RCAN2: variants seen among roughly 807,000 people sequenced by gnomAD.
RCAN2 encodes the protein calcipressin-2.
A neutral mutation model predicts 23.6 loss-of-function variants in RCAN2; 9 were observed. The observed-to-expected ratio is 0.38, with a 90% CI of 0.23 to 0.67. RCAN2 has a LOEUF of 0.67. Ranked by LOEUF, RCAN2 falls within the 30% of genes least tolerant of loss-of-function variation. The pLI, the probability that RCAN2 is intolerant of heterozygous loss-of-function variation, is 0.51. For synonymous variants in RCAN2, 109 were observed against 115.7 expected, an observed-to-expected ratio of 0.94 and a Z score of 0.37; for missense variants, 273 against 302.3, an observed-to-expected ratio of 0.90 and a Z score of 0.72.
At chr6:46,255,753 G>A (rs1033031204) in intron 2 of RCAN2, among the ~76,000 whole-genome samples, 5 of 152,084 alleles carry the variant, frequency 3.3e-5, no homozygotes, top group South Asian at 2.1e-4. Flanking sequence ...CTGGAGAGCC[G>A]CAGGGTATGG....
At chr6:46,325,327 C>T in intron 2 of RCAN2, 1 of 1,577,404 alleles carries the variant, frequency 6.3e-7, no homozygotes, top group East Asian at 2.2e-5. Flanking sequence ...TTTCTTCATG[C>T]TAAAAAGGCT....
intron 2 of RCAN2, among the ~76,000 whole-genome samples, chr6:46,369,759 G>C (rs1765277368): frequency 6.6e-6 from 1 of 152,208 alleles, no homozygotes; most frequent in South Asian, 2.1e-4. Context: ...CTTAGACGTA[G>C]TTTTAAATCA....
At chr6:46,434,295 A>C (rs955903586) in intron 2 of RCAN2, among the ~76,000 whole-genome samples, 1 of 152,200 alleles carries the variant, frequency 6.6e-6, no homozygotes, top group African/African-American at 2.4e-5. Context: ...CTTGGTCTGA[A>C]TCCCACAATT....
intron 2 of RCAN2, among the ~76,000 whole-genome samples, chr6:46,368,386 G>T (rs1054039096): frequency 6.6e-6 from 1 of 152,142 alleles, no homozygotes; most frequent in Non-Finnish European, 1.5e-5. Flanking sequence ...CGATAGCTCT[G>T]CTCAAACAAA....
At chr6:46,419,637 T>C (rs935050488) in intron 2 of RCAN2, among the ~76,000 whole-genome samples, 8 of 152,194 alleles carry the variant, frequency 5.3e-5, no homozygotes, top group Non-Finnish European at 1.0e-4. Context: ...ATTTTTAAAA[T>C]ATAATAAAAT....
At chr6:46,307,901 T>C (rs1018703597) in intron 2 of RCAN2, among the ~76,000 whole-genome samples, 1 of 152,176 alleles carries the variant, frequency 6.6e-6, no homozygotes, top group East Asian at 1.9e-4. Context: ...TTCAAGCAAG[T>C]TGGAAGAAGG....
chr6:46,249,317 C>CTT (rs11331303), intron 2 of RCAN2, among the ~76,000 whole-genome samples: 1 of 97,114 alleles, frequency 1.0e-5, no homozygotes, highest in Non-Finnish European at 2.1e-5. Context: ...TTCTTTCTTT[C>CTT]TTTTTTTTTT....
At chr6:46,442,256 CT>C (rs1445157467) in intron 2 of RCAN2, among the ~76,000 whole-genome samples, 4 of 152,316 alleles carry the variant, frequency 2.6e-5, no homozygotes, top group South Asian at 2.1e-4. Flanking sequence ...CAAGAGTTAC[CT>C]TTGAATTTAC....
At chr6:46,325,773 T>C (rs1763777270) in intron 2 of RCAN2, 1 of 1,145,642 alleles carries the variant, frequency 8.7e-7, no homozygotes, top group Admixed American at 4.5e-5. Context: ...GGCAGTGCAG[T>C]GGAGCAAATT....
intron 2 of RCAN2, among the ~76,000 whole-genome samples, chr6:46,420,550 T>TC (rs1358748014): frequency 6.6e-6 from 1 of 151,318 alleles, no homozygotes; most frequent in East Asian, 1.9e-4. Flanking sequence ...TTAACTTTTT[T>TC]TTTTTTTTTT....
At chr6:46,304,379 T>C (rs190337989) in intron 2 of RCAN2, among the ~76,000 whole-genome samples, 1 of 152,262 alleles carries the variant, frequency 6.6e-6, no homozygotes, top group East Asian at 1.9e-4. Context: ...GCTTTCCTTT[T>C]TATTCTCTGA....
At chr6:46,319,571 G>GT (rs1763543677) in intron 2 of RCAN2, among the ~76,000 whole-genome samples, 1 of 152,166 alleles carries the variant, frequency 6.6e-6, no homozygotes, top group Admixed American at 6.6e-5. Context: ...TTTACCAAAT[G>GT]TGATAGGTGG....
intron 2 of RCAN2, among the ~76,000 whole-genome samples, chr6:46,434,945 C>T (rs1225612869): frequency 6.6e-6 from 1 of 152,106 alleles, no homozygotes; most frequent in African/African-American, 2.4e-5. Flanking sequence ...GTGGAGAAAC[C>T]CTGAATGAGA....
At chr6:46,337,363 C>T (rs1002543705) in intron 2 of RCAN2, among the ~76,000 whole-genome samples, 2 of 152,184 alleles carry the variant, frequency 1.3e-5, no homozygotes, top group Admixed American at 1.3e-4. Context: ...ATGAGAAAAG[C>T]AACACAGAAA....
intron 4 of RCAN2, among the ~76,000 whole-genome samples, chr6:46,226,430 T>C (rs895081875): frequency 6.6e-6 from 1 of 152,238 alleles, no homozygotes; most frequent in Non-Finnish European, 1.5e-5. Flanking sequence ...TGGAATGTTC[T>C]TCCATTTGTT....
chr6:46,449,751 T>C (rs1248945580), intron 2 of RCAN2, among the ~76,000 whole-genome samples: 3 of 151,862 alleles, frequency 2.0e-5, no homozygotes, highest in Non-Finnish European at 4.4e-5. Flanking sequence ...AATAATAATG[T>C]TGGAACAACT....
intron 2 of RCAN2, among the ~76,000 whole-genome samples, chr6:46,282,212 T>A (rs1762205931): frequency 6.6e-6 from 1 of 152,166 alleles, no homozygotes; most frequent in Admixed American, 6.5e-5. Context: ...ATACAACTTG[T>A]GTTACTGCTC....
intron 4 of RCAN2, among the ~76,000 whole-genome samples, chr6:46,246,510 C>T (rs972352584): frequency 1.3e-5 from 2 of 152,136 alleles, no homozygotes; most frequent in African/African-American, 4.8e-5. Context: ...CATTGCAATC[C>T]AGAAGCTTCA....
chr6:46,244,162 A>C (rs908350105), intron 4 of RCAN2, among the ~76,000 whole-genome samples: 2 of 152,236 alleles, frequency 1.3e-5, no homozygotes, highest in Admixed American at 1.3e-4. Context: ...TTGTGATAAA[A>C]GAAGGTGGGT....
Sources: allele counts gnomAD v4.1 joint callset (sites outside exome capture counted in the v4.1 genomes callset), GRCh38; gene constraint gnomAD v4.1.1; transcripts MANE v1.5; gene names NCBI Gene and HGNC (gene_info 2026-07-23, HGNC 2026-07-21).